Variants in PCDHB13 observed in about 807,000 individuals in gnomAD.
PCDHB13 encodes the protein protocadherin beta-13.
For synonymous variants in PCDHB13, 515 were observed against 450.7 expected, an observed-to-expected ratio of 1.14 and a Z score of -1.81; for missense variants, 1,065 against 1,016.7, an observed-to-expected ratio of 1.05 and a Z score of -0.65.
In PCDHB13 at chr5:141,216,723, G is replaced by A; in HGVS notation, c.*203G>A. 1 of 676,614 alleles carries A rather than the reference G, an allele frequency of 1.5e-6. No individual in the cohort carries two copies. 41.9% of individuals were successfully genotyped at this position (676,614 alleles called of 1,614,324 possible). ...TGACAATTCATTCTTTAACCCAGAT[G>A]GTCTTAATTTGTAATTAATTTGCCT... On this transcript the variant is annotated 3_prime_UTR_variant, in exon 1 of 1. Transcript: ENST00000341948.
chr5:141,218,230 T>C lies in PCDHB13; in HGVS notation c.*1710T>C, dbSNP rs1000611746. ...TCCCAAAGTGCTATGATTACAGGTA[T>C]GAGCACCTGGCCTCAACTACTTCTT... is the stretch of plus-strand genomic sequence containing the variant. On this transcript the variant is annotated 3_prime_UTR_variant, in exon 1 of 1. Transcript: ENST00000341948. The C allele has an allele frequency of 6.0e-6, 1 of 166,430 alleles. No homozygotes were observed. Among genetic ancestry groups the C allele is most frequent in the Admixed American group, 6.5e-5 (1 of 15,288 alleles). 10.3% of individuals were successfully genotyped at this position (166,430 alleles called of 1,614,324 possible).
rs185681106 is a variant in PCDHB13 at position 141,216,717 on chromosome 5, C to T, written c.*197C>T. 1.5e-3 allele frequency: 1,052 copies of T among 694,268 alleles called. 1 individual carries two copies. The highest frequency in any genetic ancestry group is 1.7e-3 in the Non-Finnish European group (651 of 383,266). The allele number at this position is 694,268 out of a possible 1,614,324, so 43.0% of individuals were successfully genotyped here. A position where few individuals can be genotyped will look rare whatever the true frequency, so the allele number is the denominator to read the frequency against. ...AAAAGGTGACAATTCATTCTTTAAC[C>T]CAGATGGTCTTAATTTGTAATTAAT... On this transcript the variant is annotated 3_prime_UTR_variant, in exon 1 of 1. Coordinates refer to ENST00000341948, the MANE Select transcript of PCDHB13 (RefSeq NM_018933.4).
chr5:141,216,574 C>CACA lies in PCDHB13; in HGVS notation c.*55_*56insCAA. The CACA allele has an allele frequency of 2.9e-6, 4 of 1,398,844 alleles. No homozygotes were observed. The highest frequency in any genetic ancestry group is 4.1e-6 in the Non-Finnish European group (4 of 983,616). 86.7% of individuals were successfully genotyped at this position (1,398,844 alleles called of 1,614,324 possible). A position where few individuals can be genotyped will look rare whatever the true frequency, so the allele number is the denominator to read the frequency against. On this transcript the variant is annotated 3_prime_UTR_variant, in exon 1 of 1. Coordinates refer to ENST00000341948, the MANE Select transcript of PCDHB13 (RefSeq NM_018933.4). ...ATTTTATTTTGTGGCATTTCCATGCCAATGTTTATTTCCCCCAATTTGTGT... is the reference window on the plus strand; with the variant it reads ...ATTTTATTTTGTGGCATTTCCATGCCACAAATGTTTATTTCCCCCAATTTGTGT...
At position 141,215,232 on chromosome 5, in the gene PCDHB13, G is replaced by C; in HGVS notation, c.1109G>C (p.Ser370Thr). 6.2e-7 allele frequency: 1 copy of C among 1,614,172 alleles called. No individual in the cohort carries two copies. The highest frequency in any genetic ancestry group is 8.5e-7 in the Non-Finnish European group (1 of 1,180,034). Reference sequence around the variant, plus strand: ...CCTGAAACTGTGGTTGCACTTTTCAGTGTTTCAGATCTTGATTCAGGAGAA... The same window carrying C: ...CCTGAAACTGTGGTTGCACTTTTCACTGTTTCAGATCTTGATTCAGGAGAA... ...NAPETVVALF[S>T]VSDLDSGENG... is the part of the protein sequence containing the mutation. The change falls in exon 1 of 1, where the codon AGT (serine) becomes ACT (threonine). Residue 370 changes from serine to threonine, a missense_variant. Physicochemically the swap from Ser to Thr is moderately conservative, Grantham distance 58. Transcript: ENST00000341948.
rs1554288152 is a variant in PCDHB13 at position 141,216,248 on chromosome 5, G to C, written c.2125G>C (p.Val709Leu). 2.5e-6 allele frequency: 4 copies of C among 1,613,468 alleles called. No homozygotes were observed. Among genetic ancestry groups the C allele is most frequent in the Non-Finnish European group, 3.4e-6 (4 of 1,179,968 alleles). ...SLFLFSVLLFVAVRLCRRSRA... is the reference protein window; with the variant it reads ...SLFLFSVLLFLAVRLCRRSRA... ...CTTCCTCTTTTCGGTGCTCCTGTTC[G>C]TGGCGGTGCGGCTGTGTAGGAGGAG... The change falls in exon 1 of 1, where the codon GTG becomes CTG. Residue 709 changes from valine (V) to leucine (L), a missense_variant. By Grantham distance (32) the Val-to-Leu change is conservative. Transcript: ENST00000341948.
chr5:141,215,677 T>A lies in PCDHB13; in HGVS notation c.1554T>A (p.Ser518=), dbSNP rs144959109. ...ACGGCCACCTGTTCGCCCTCAGGTC[T>A]CTGGACTACGAGGCCCTGCAGGGGT... The part of the protein sequence containing the change: ...ADNGHLFALR[S]LDYEALQGFQ... Residue 518 remains serine (S), a synonymous_variant, in exon 1 of 1, where the codon TCT becomes TCA. Transcript: ENST00000341948. 1.1e-5 allele frequency: 17 copies of A among 1,613,112 alleles called. No individual in the cohort carries two copies. The Admixed American group carries it at 2.7e-4, about 25-fold the overall frequency.
rs1360887396 is a variant in PCDHB13 at position 141,218,131 on chromosome 5, T to G, written c.*1611T>G. On this transcript the variant is annotated 3_prime_UTR_variant, in exon 1 of 1. Coordinates refer to ENST00000341948, the MANE Select transcript of PCDHB13 (RefSeq NM_018933.4). The stretch of plus-strand genomic sequence containing the variant: ...CACCCACTAATTTTTGCATATTTAG[T>G]AGAGACGAGGTTTCATCATATTGCC... 1 of 155,162 alleles carries G rather than the reference T, an allele frequency of 6.4e-6. No individual in the cohort carries two copies. The highest frequency in any genetic ancestry group is 2.4e-5 in the African/African-American group (1 of 41,352). 9.6% of individuals were successfully genotyped at this position (155,162 alleles called of 1,614,324 possible).
Position 141,215,242 on chromosome 5 carries a change from T to A in PCDHB13, c.1119T>A (p.Asp373Glu). 2 of 1,613,856 alleles carry A rather than the reference T, an allele frequency of 1.2e-6. No individual in the cohort carries two copies. The highest frequency in any genetic ancestry group is 1.7e-6 in the Non-Finnish European group (2 of 1,179,938). Residue 373 changes from aspartate to glutamate, a missense_variant, in exon 1 of 1, where the codon GAT becomes GAA. Asp to Glu is a conservative substitution (Grantham distance 45). Transcript: ENST00000341948. Reference protein sequence around the residue: ...ETVVALFSVSDLDSGENGKIS... With the variant: ...ETVVALFSVSELDSGENGKIS... ...TGGTTGCACTTTTCAGTGTTTCAGA[T>A]CTTGATTCAGGAGAAAATGGGAAAA...
rs919995860 is a variant in PCDHB13, at chr5:141,216,631, T to C, written c.*111T>C. 3 of 966,656 alleles carry C rather than the reference T, an allele frequency of 3.1e-6. No homozygotes were observed. In the Admixed American group the frequency reaches 5.1e-5, roughly 17 times the overall value. 59.9% of individuals were successfully genotyped at this position (966,656 alleles called of 1,614,324 possible). On this transcript the variant is annotated 3_prime_UTR_variant, in exon 1 of 1. Coordinates refer to ENST00000341948, the MANE Select transcript of PCDHB13 (RefSeq NM_018933.4). ...AATATTGTACGGATTTACTCTTGAT[T>C]TTTCTCATGTTCTTTCTCCCTTTGT...
At position 141,216,389 on chromosome 5, in the gene PCDHB13, G is replaced by A. The variant is rs781974534; in HGVS notation, c.2266G>A (p.Ala756Thr). ...GAGCTACCAGTATGAGGTGTGTCTGGCAGGAGGCTCAGGGACCAATGAGTT... is the reference window on the plus strand; with the variant it reads ...GAGCTACCAGTATGAGGTGTGTCTGACAGGAGGCTCAGGGACCAATGAGTT... ...SQSYQYEVCL[A>T]GGSGTNEFKF... The change falls in exon 1 of 1, where the codon GCA becomes ACA. Residue 756 changes from alanine (A) to threonine (T), a missense_variant. Ala to Thr is a moderately conservative substitution (Grantham distance 58). Coordinates refer to ENST00000341948, the MANE Select transcript of PCDHB13 (RefSeq NM_018933.4). The A allele has an allele frequency of 6.2e-7, 1 of 1,614,158 alleles. No individual in the cohort carries two copies. Among genetic ancestry groups the A allele is most frequent in the Non-Finnish European group, 8.5e-7 (1 of 1,180,030 alleles).
rs1279734799 is a variant in PCDHB13, at chr5:141,215,384, A to G, written c.1261A>G (p.Ile421Val). 4.3e-6 allele frequency: 7 copies of G among 1,614,040 alleles called. No homozygotes were observed. In the East Asian group the frequency reaches 1.6e-4, roughly 36 times the overall value. ...RESRAEYNIT[I>V]TVTDLGTPML... ...AAGCAGAGCGGAATACAACATCACTATCACTGTCACTGACTTGGGGACCCC... is the reference window on the plus strand; with the variant it reads ...AAGCAGAGCGGAATACAACATCACTGTCACTGTCACTGACTTGGGGACCCC... Residue 421 changes from isoleucine to valine, a missense_variant, in exon 1 of 1, where the codon ATC becomes GTC. Coordinates refer to ENST00000341948, the MANE Select transcript of PCDHB13 (RefSeq NM_018933.4).
chr5:141,217,772 A>C lies in PCDHB13; in HGVS notation c.*1252A>C, dbSNP rs967460403. The C allele has an allele frequency of 2.4e-5, 4 of 167,024 alleles. No individual in the cohort carries two copies. Among genetic ancestry groups the C allele is most frequent in the Non-Finnish European group, 2.9e-5 (2 of 68,130 alleles). The allele number at this position is 167,024 out of a possible 1,614,324, so 10.3% of individuals were successfully genotyped here. On this transcript the variant is annotated 3_prime_UTR_variant, in exon 1 of 1. Coordinates refer to ENST00000341948, the MANE Select transcript of PCDHB13 (RefSeq NM_018933.4). ...TTCCATGACTTTTATCAAAGTCTACAGTCTATGTTGTGGGAGAAAAATGTA... is the reference window on the plus strand; with the variant it reads ...TTCCATGACTTTTATCAAAGTCTACCGTCTATGTTGTGGGAGAAAAATGTA...
rs1554288349 is a variant in PCDHB13, at chr5:141,217,835, G to A, written c.*1315G>A. On this transcript the variant is annotated 3_prime_UTR_variant, in exon 1 of 1. Coordinates refer to ENST00000341948, the MANE Select transcript of PCDHB13 (RefSeq NM_018933.4). Reference sequence around the variant, plus strand: ...GAGTAAAAGTATAGAGGCAAAACAAGCATGTGTATGAGAGAGAGAGAGAAA... The same window carrying A: ...GAGTAAAAGTATAGAGGCAAAACAAACATGTGTATGAGAGAGAGAGAGAAA... 1 of 167,002 alleles carries A rather than the reference G, an allele frequency of 6.0e-6. No homozygotes were observed. Among genetic ancestry groups the A allele is most frequent in the Non-Finnish European group, 1.5e-5 (1 of 68,134 alleles). 10.3% of individuals were successfully genotyped at this position (167,002 alleles called of 1,614,324 possible).
chr5:141,216,485 AC>A lies in PCDHB13; in HGVS notation c.2364del (p.Phe789SerfsTer14). ...TGGGAAAGAAATACAAGGAAATTCT[AC>A]CTTCCCCAATAACTTTGGGTTCAAT... ...CPGKEIQGNS[T>X]FPNNFGFNIQ On this transcript the variant is annotated frameshift_variant, in exon 1 of 1. Coordinates refer to ENST00000341948, the MANE Select transcript of PCDHB13 (RefSeq NM_018933.4). LOFTEE classifies it low-confidence loss of function (END_TRUNC). 1.9e-6 allele frequency: 3 copies of A among 1,613,874 alleles called. No individual in the cohort carries two copies. The highest frequency in any genetic ancestry group is 2.5e-6 in the Non-Finnish European group (3 of 1,179,954).
rs1200591271 is a variant in PCDHB13, at chr5:141,217,996, T to A, written c.*1476T>A. 6.9e-6 allele frequency: 1 copy of A among 145,110 alleles called. No homozygotes were observed. Among genetic ancestry groups the A allele is most frequent in the South Asian group, 2.1e-4 (1 of 4,752 alleles). 9.0% of individuals were successfully genotyped at this position (145,110 alleles called of 1,614,324 possible). A position where few individuals can be genotyped will look rare whatever the true frequency, so the allele number is the denominator to read the frequency against. ...TCACCCAGGCTGGAGTGCAGTGGTGTGATCTCCACTCACTGTGATCTCCAC... is the reference window on the plus strand; with the variant it reads ...TCACCCAGGCTGGAGTGCAGTGGTGAGATCTCCACTCACTGTGATCTCCAC... On this transcript the variant is annotated 3_prime_UTR_variant, in exon 1 of 1. Transcript: ENST00000341948.
chr5:141,215,509 G>A lies in PCDHB13; in HGVS notation c.1386G>A (p.Glu462=). Residue 462 remains glutamate (E), a synonymous_variant, in exon 1 of 1, where the codon GAG becomes GAA. Transcript: ENST00000341948. ...TQTSYTLFVR[E]NNSPALHIRS... ...CCTCCTACACCCTGTTCGTCCGCGA[G>A]AACAACAGCCCCGCCCTGCACATCC... The A allele has an allele frequency of 6.2e-7, 1 of 1,614,062 alleles. No individual in the cohort carries two copies. Among genetic ancestry groups the A allele is most frequent in the Non-Finnish European group, 8.5e-7 (1 of 1,179,966 alleles).
At position 141,214,575 on chromosome 5, in the gene PCDHB13, C is replaced by T. The variant is rs1754536486; in HGVS notation, c.452C>T (p.Thr151Ile). 4 of 1,614,208 alleles carry T rather than the reference C, an allele frequency of 2.5e-6. No individual in the cohort carries two copies. The highest frequency in any genetic ancestry group is 3.4e-6 in the Non-Finnish European group (4 of 1,180,038). The change falls in exon 1 of 1, where the codon ACT (threonine) becomes ATT (isoleucine). Residue 151 changes from threonine to isoleucine, a missense_variant. By Grantham distance (89) the Thr-to-Ile change is moderately conservative (BLOSUM62 -1). Coordinates refer to ENST00000341948, the MANE Select transcript of PCDHB13 (RefSeq NM_018933.4). Reference sequence around the variant, plus strand: ...GTATCAGAGAGCAGTCCTCCTGGGACTACGTTTCCTCTGAAGAATGCCGAA... The same window carrying T: ...GTATCAGAGAGCAGTCCTCCTGGGATTACGTTTCCTCTGAAGAATGCCGAA... ...VKVSESSPPG[T>I]TFPLKNAEDL...
Position 141,214,076 on chromosome 5 carries a change from A to G in PCDHB13, c.-48A>G. On this transcript the variant is annotated 5_prime_UTR_variant, in exon 1 of 1. Transcript: ENST00000341948. ...CACAGCCTCAGATACTGGGGACTTT[A>G]CAGTCCCACAGAACCGTCCTCCCAG... The G allele has an allele frequency of 1.2e-6, 2 of 1,613,502 alleles. No individual in the cohort carries two copies. The highest frequency in any genetic ancestry group is 8.5e-7 in the Non-Finnish European group (1 of 1,179,644).
rs1754576356 is a variant in PCDHB13 at position 141,215,545 on chromosome 5, C to T, written c.1422C>T (p.Ser474=). 1 of 1,613,824 alleles carries T rather than the reference C, an allele frequency of 6.2e-7. No individual in the cohort carries two copies. The highest frequency in any genetic ancestry group is 8.5e-7 in the Non-Finnish European group (1 of 1,179,962). ...CCGCCCTGCACATCCGCAGCGTCAG[C>T]GCTACAGACAGAGACTCAGGCACCA... ...NSPALHIRSV[S]ATDRDSGTNA... The change falls in exon 1 of 1, where the codon AGC becomes AGT. Residue 474 remains serine (S), a synonymous_variant. Coordinates refer to ENST00000341948, the MANE Select transcript of PCDHB13 (RefSeq NM_018933.4).
Sources: gnomAD v4.1 joint callset for allele counts on GRCh38, gnomAD v4.1.1 for gene constraint, MANE v1.5 for transcripts, NCBI Gene and HGNC (gene_info 2026-07-23, HGNC 2026-07-21) for gene names.